The following MROH2B variants were observed in gnomAD, a reference collection of about 807,000 sequenced individuals.
The protein encoded by MROH2B is maestro heat-like repeat-containing protein family member 2B.
A neutral mutation model predicts 208.6 loss-of-function variants in MROH2B; 177 were observed. The ratio of observed to expected loss-of-function variants is 0.85; its 90% CI spans 0.75 to 0.96. MROH2B has a LOEUF of 0.96. MROH2B is among the 40% of genes least tolerant of loss of function. The probability of loss-of-function intolerance (pLI) is 0.00; values close to 1 mark genes in which losing one functional copy is unlikely to be tolerated. For missense variants in MROH2B, 2,002 were observed against 1,878.7 expected (o/e 1.07, Z -1.21); for synonymous variants, 728 against 659.0 (o/e 1.10, Z -1.60).
At chr5:41,064,667 G>A (rs1475905712) in intron 4 of MROH2B, 97 bp from the exon 5 acceptor site, 3 of 808,664 alleles carry the variant, frequency 3.7e-6, no homozygotes, top group South Asian at 1.7e-5. Flanking sequence ...AGGGCTGCAC[G>A]GAGGAGGCAG....
At chr5:41,055,685 C>T (rs1282118411) in intron 10 of MROH2B, 57 bp downstream of exon 10, 1 of 1,302,602 alleles carries the variant, frequency 7.7e-7, no homozygotes, top group Non-Finnish European at 1.1e-6. Context: ...AGTGCATAGG[C>T]TTCAGTCTGC....
intron 18 of MROH2B, 107 bp downstream of exon 18, chr5:41,045,639 T>G: frequency 1.3e-6 from 1 of 772,402 alleles, no homozygotes; most frequent in East Asian, 2.6e-5. Flanking sequence ...TTTTTTTTTT[T>G]AAATGTTCCT....
In MROH2B at chr5:40,998,021, A is replaced by G. The variant is rs1371596648; in HGVS notation, c.*31T>C. On this transcript the variant is annotated 3_prime_UTR_variant, in exon 42 of 42. Transcript: ENST00000399564. ...TAGGATGAAGACAGGAGTCAGATAT[A>G]GGAAAAGCCAGCAGTTTATTTCTTG... 3.3e-6 allele frequency: 5 copies of G among 1,495,138 alleles called. No individual in the cohort carries two copies. In the African/African-American group the frequency reaches 6.9e-5, roughly 21 times the overall value. 92.6% of individuals were successfully genotyped at this position (1,495,138 alleles called of 1,614,324 possible).
chr5:41,035,891 G>A (rs571140294), intron 21 of MROH2B, among the ~76,000 whole-genome samples: 188 of 152,064 alleles, frequency 1.2e-3, no homozygotes, highest in South Asian at 4.6e-3. Flanking sequence ...ACTGTTGGGG[G>A]GAATGTAAAT....
At chr5:41,057,083 A>G (rs372772750) in intron 9 of MROH2B, 26 bp downstream of exon 9, 1 of 1,612,444 alleles carries the variant, frequency 6.2e-7, no homozygotes, top group African/African-American at 1.3e-5. Context: ...CATTTTTATT[A>G]AAAGCCTTCT....
Position 41,010,093 on chromosome 5 carries a change from A to G in MROH2B, c.3136-14T>C, listed in dbSNP as rs1321675633. The G allele has an allele frequency of 6.2e-6, 10 of 1,610,594 alleles. No individual in the cohort carries two copies. The highest frequency in any genetic ancestry group is 7.6e-6 in the Non-Finnish European group (9 of 1,178,312). Reference sequence around the variant, plus strand: ...GATCTCCAATAGCTAAAGAGAAAAAAGCCAAGTCAAACATTAAGTTGCCAT... The same window carrying G: ...GATCTCCAATAGCTAAAGAGAAAAAGGCCAAGTCAAACATTAAGTTGCCAT... On this transcript the variant is annotated splice_polypyrimidine_tract_variant and intron_variant, in intron 30 of 41. Transcript: ENST00000399564.
At chr5:41,062,832 A>G (rs1488008321) in intron 5 of MROH2B, among the ~76,000 whole-genome samples, 3 of 151,878 alleles carry the variant, frequency 2.0e-5, no homozygotes, top group Non-Finnish European at 2.9e-5. Flanking sequence ...TTCTTGGTGT[A>G]TGTGTGTGTG....
intron 34 of MROH2B, 128 bp downstream of exon 34, chr5:41,007,186 G>T: frequency 1.1e-6 from 1 of 876,390 alleles, no homozygotes; most frequent in Non-Finnish European, 1.5e-6. Flanking sequence ...TTTCCTGTTT[G>T]TCCTCCTTCG....
At chr5:41,018,642 G>T in intron 26 of MROH2B, 49 bp downstream of exon 26, 1 of 1,594,818 alleles carries the variant, frequency 6.3e-7, no homozygotes, top group Non-Finnish European at 8.6e-7. Flanking sequence ...GGACATTGAA[G>T]AACAGATTAG....
intron 6 of MROH2B, among the ~76,000 whole-genome samples, chr5:41,058,497 G>A (rs779907702): frequency 3.3e-5 from 5 of 151,216 alleles, no homozygotes; most frequent in Non-Finnish European, 5.9e-5. Flanking sequence ...TCGCTTTGTT[G>A]CCTAGGCTGG....
chr5:41,009,838 C>G, intron 31 of MROH2B, 84 bp downstream of exon 31: 2 of 1,367,156 alleles, frequency 1.5e-6, no homozygotes, highest in Non-Finnish European at 2.0e-6. Context: ...TGTTTGCTAT[C>G]TTGCTCTCAA....
intron 24 of MROH2B, among the ~76,000 whole-genome samples, chr5:41,022,571 C>T (rs1742188747): frequency 6.6e-6 from 1 of 152,144 alleles, no homozygotes; most frequent in Non-Finnish European, 1.5e-5. Context: ...CTTGGTGGAG[C>T]CCACCGCAGC....
intron 18 of MROH2B, among the ~76,000 whole-genome samples, chr5:41,042,859 C>A (rs371643703): frequency 1.3e-5 from 2 of 152,338 alleles, no homozygotes; most frequent in Non-Finnish European, 2.9e-5. Context: ...CCTGCTTCAG[C>A]CTCCTGAAGT....
At chr5:41,056,514 CT>C (rs1429203802) in intron 9 of MROH2B, among the ~76,000 whole-genome samples, 3 of 152,082 alleles carry the variant, frequency 2.0e-5, no homozygotes, top group Admixed American at 6.5e-5. Flanking sequence ...TATTGGATTG[CT>C]GCTGTCCCTC....
chr5:40,999,689 CA>C lies in MROH2B; in HGVS notation c.4572del (p.Val1525SerfsTer11). On this transcript the variant is annotated frameshift_variant, in exon 40 of 42. Coordinates refer to ENST00000399564, the MANE Select transcript of MROH2B (RefSeq NM_173489.5). LOFTEE classifies it high-confidence loss of function. ...TSTWEVIRSAAVKLTDAVVLN... is the reference protein window; with the variant it reads ...TSTWEVIRSAXVKLTDAVVLN... ...GATGTGTACTCACCTGTGAGTTTGA[CA>C]GCTGCACTCCTGATCACCTCCCAGG... 1 of 1,611,976 alleles carries C rather than the reference CA, an allele frequency of 6.2e-7. No homozygotes were observed. The highest frequency in any genetic ancestry group is 1.1e-5 in the South Asian group (1 of 90,782).
At chr5:41,048,133 T>C (rs1175059524) in intron 16 of MROH2B, 191 bp downstream of exon 16, 5 of 603,910 alleles carry the variant, frequency 8.3e-6, no homozygotes, top group African/African-American at 3.8e-5. Context: ...CTAGGTCTTC[T>C]TGTAGTATGA....
intron 4 of MROH2B, among the ~76,000 whole-genome samples, 161 bp downstream of exon 4, chr5:41,065,170 T>C (rs1157438705): frequency 2.0e-5 from 3 of 152,280 alleles, no homozygotes; most frequent in South Asian, 2.1e-4. Context: ...AGCAGAATCA[T>C]CCATGCTCAT....
intron 7 of MROH2B, 61 bp from the exon 8 acceptor site, chr5:41,057,421 T>C (rs899343990): frequency 6.4e-6 from 8 of 1,248,270 alleles, no homozygotes; most frequent in Non-Finnish European, 9.0e-6. Context: ...GCACAGGATG[T>C]GGAAGGCAAA....
At chr5:41,048,238 C>A in intron 16 of MROH2B, 86 bp downstream of exon 16, 3 of 1,432,190 alleles carry the variant, frequency 2.1e-6, no homozygotes, top group South Asian at 1.7e-5. Flanking sequence ...CTAAAATGAG[C>A]ATTAATGGCT....
Sources: allele counts gnomAD v4.1 joint callset (sites outside exome capture counted in the v4.1 genomes callset), GRCh38; gene constraint gnomAD v4.1.1; transcripts MANE v1.5; gene names NCBI Gene and HGNC (gene_info 2026-07-23, HGNC 2026-07-21).